CNTN3: variants seen among roughly 807,000 people sequenced by gnomAD.
The protein encoded by CNTN3 is contactin-3.
Under a neutral mutation model 119.1 loss-of-function variants are expected in CNTN3, and 60 were observed. The ratio of observed to expected loss-of-function variants is 0.50; its 90% CI spans 0.41 to 0.62. The LOEUF (loss-of-function observed/expected upper bound fraction) is 0.62, where lower values mean the gene tolerates loss of function less well. CNTN3 is among the 20% of genes least tolerant of loss of function. CNTN3 has a pLI of 0.00. For missense variants in CNTN3, 1,101 were observed against 1,242.4 expected (o/e 0.89, Z 1.71); for synonymous variants, 450 against 438.7 (o/e 1.03, Z -0.32).
chr3:74,454,618 ACAT>A (rs1201589993), intron 4 of CNTN3, among the ~76,000 whole-genome samples: 1 of 151,890 alleles, frequency 6.6e-6, no homozygotes, highest in African/African-American at 2.4e-5. Context: ...AGTGGTCTTT[ACAT>A]TTTGGCATGA....
chr3:74,545,794 A>C (rs371154010), intron 1 of CNTN3, among the ~76,000 whole-genome samples: 1 of 152,084 alleles, frequency 6.6e-6, no homozygotes, highest in Non-Finnish European at 1.5e-5. Context: ...CCCAAAACTG[A>C]TAAGATTTTT....
At chr3:74,402,404 T>A (rs571260956) in intron 5 of CNTN3, among the ~76,000 whole-genome samples, 53 of 152,312 alleles carry the variant, frequency 3.5e-4, no homozygotes, top group African/African-American at 1.1e-3. Flanking sequence ...TTGGAACTCA[T>A]CAATTTCTAC....
intron 12 of CNTN3, among the ~76,000 whole-genome samples, chr3:74,335,298 C>T (rs561401541): frequency 1.2e-4 from 18 of 152,094 alleles, no homozygotes; most frequent in Non-Finnish European, 2.2e-4. Flanking sequence ...ATTACATCAC[C>T]ATCAAAATCT....
chr3:74,560,796 T>G (rs1181768426), intron 1 of CNTN3, among the ~76,000 whole-genome samples: 1 of 151,922 alleles, frequency 6.6e-6, no homozygotes, highest in African/African-American at 2.4e-5. Flanking sequence ...AATGATAGAC[T>G]GGATTAAGAA....
chr3:74,612,863 A>G (rs1705106055), intron 1 of CNTN3, among the ~76,000 whole-genome samples: 1 of 152,178 alleles, frequency 6.6e-6, no homozygotes, highest in South Asian at 2.1e-4. Context: ...TTTAATGAAC[A>G]TTCACAAGGA....
At chr3:74,394,389 C>G (rs1704992683) in intron 5 of CNTN3, among the ~76,000 whole-genome samples, 1 of 152,074 alleles carries the variant, frequency 6.6e-6, no homozygotes, top group Admixed American at 6.5e-5. Flanking sequence ...TATTAGAGAA[C>G]AGAAATAGCT....
intron 11 of CNTN3, 60 bp from the exon 12 acceptor site, chr3:74,336,718 T>C: frequency 3.7e-6 from 5 of 1,366,080 alleles, no homozygotes; most frequent in Non-Finnish European, 5.0e-6. Flanking sequence ...TCCAAATGAA[T>C]ATACATATTT....
At chr3:74,611,577 C>T (rs1360334110) in intron 1 of CNTN3, among the ~76,000 whole-genome samples, 1 of 152,106 alleles carries the variant, frequency 6.6e-6, no homozygotes, top group Non-Finnish European at 1.5e-5. Context: ...AGATCTGTCA[C>T]CCCTCAATTT....
intron 1 of CNTN3, among the ~76,000 whole-genome samples, chr3:74,551,719 T>C (rs1384552014): frequency 8.8e-6 from 1 of 113,394 alleles, no homozygotes. Context: ...ATTTAGTATG[T>C]AGTCTTCACA....
rs9833621 is a variant in CNTN3 at position 74,581,225 on chromosome 3, A to T, written c.-81+33166T>A. On this transcript the variant is annotated intron_variant, in intron 1 of 22. Coordinates refer to ENST00000263665, the MANE Select transcript of CNTN3 (RefSeq NM_020872.3). ...ATAATGGGACTGTGTATTTAAAAAA[A>T]ACATAAAATCTATAAAAGAAAAAAA... Among the ~76,000 whole-genome samples the T allele has an allele frequency of 4.3e-3, 649 of 152,280 alleles. 5 individuals are homozygous for T. The highest frequency in any genetic ancestry group is 0.015 in the African/African-American group (613 of 41,574).
At chr3:74,438,417 G>A (rs1342299885) in intron 4 of CNTN3, among the ~76,000 whole-genome samples, 1 of 152,164 alleles carries the variant, frequency 6.6e-6, no homozygotes, top group African/African-American at 2.4e-5. Context: ...TTTGGAATAC[G>A]GTAGGTGCTC....
chr3:74,349,762 G>A (rs751616550), intron 11 of CNTN3, among the ~76,000 whole-genome samples: 3 of 152,170 alleles, frequency 2.0e-5, no homozygotes, highest in Non-Finnish European at 4.4e-5. Flanking sequence ...ACAGAACAGG[G>A]ATTGGTCTAT....
At chr3:74,364,446 A>G in intron 10 of CNTN3, 21 bp downstream of exon 10, 4 of 1,603,122 alleles carry the variant, frequency 2.5e-6, no homozygotes, top group Non-Finnish European at 3.4e-6. Context: ...TTAAGAGAAG[A>G]GCAGAGAAAA....
chr3:74,483,308 C>T (rs1197836042), intron 4 of CNTN3, among the ~76,000 whole-genome samples: 1 of 152,026 alleles, frequency 6.6e-6, no homozygotes, highest in Non-Finnish European at 1.5e-5. Flanking sequence ...GTATGTACTT[C>T]ACTCACCTTA....
chr3:74,318,701 G>A (rs1702900163), intron 13 of CNTN3, among the ~76,000 whole-genome samples: 1 of 152,126 alleles, frequency 6.6e-6, no homozygotes, highest in Admixed American at 6.5e-5. Flanking sequence ...GCTGCTGCCT[G>A]ATCGTTCCTC....
intron 1 of CNTN3, among the ~76,000 whole-genome samples, chr3:74,550,967 A>T (rs1176038039): frequency 6.6e-6 from 1 of 152,216 alleles, no homozygotes; most frequent in African/African-American, 2.4e-5. Context: ...AAGCTATGCC[A>T]GCCTGCCATC....
intron 1 of CNTN3, among the ~76,000 whole-genome samples, chr3:74,535,272 G>T (rs1703748459): frequency 6.6e-6 from 1 of 152,140 alleles, no homozygotes; most frequent in Middle Eastern, 3.4e-3. Flanking sequence ...GTATCTAGGT[G>T]TATAAAACAT....
At chr3:74,466,301 C>T (rs1452649583) in intron 4 of CNTN3, among the ~76,000 whole-genome samples, 1 of 152,130 alleles carries the variant, frequency 6.6e-6, no homozygotes, top group African/African-American at 2.4e-5. Context: ...CACACGGACT[C>T]AGGGCCTATT....
rs140791866 is a variant in CNTN3, at chr3:74,422,315, T to G, written c.454+2530A>C. Among the ~76,000 whole-genome samples, 1,120 of 152,344 alleles carry G rather than the reference T, an allele frequency of 7.4e-3. 10 individuals are homozygous for G. Among genetic ancestry groups the G allele is most frequent in the African/African-American group, 0.026 (1,068 of 41,580 alleles). ...TTGGTGAATGTTATTTGCTCTCCTA[T>G]GCATGCTCTGGGTTCTTATGGGTTC... On this transcript the variant is annotated intron_variant, in intron 5 of 22. Coordinates refer to ENST00000263665, the MANE Select transcript of CNTN3 (RefSeq NM_020872.3).
Sources: allele counts gnomAD v4.1 joint callset (sites outside exome capture counted in the v4.1 genomes callset), GRCh38; gene constraint gnomAD v4.1.1; transcripts MANE v1.5; gene names NCBI Gene and HGNC (gene_info 2026-07-23, HGNC 2026-07-21).